Variants in RSU1 observed in about 807,000 individuals in gnomAD.
RSU1 encodes rsu-1.
In RSU1, 26 loss-of-function variants were observed where a neutral mutation model predicts 31.1. The observed-to-expected ratio is 0.84, with a 90% CI of 0.61 to 1.16. RSU1 has a LOEUF of 1.16. Ranked by LOEUF, RSU1 falls within the 50% of genes most tolerant of loss-of-function variation. RSU1 has a pLI of 0.00. For missense variants in RSU1, 320 were observed against 339.1 expected (o/e 0.94, Z 0.44); for synonymous variants, 164 against 136.3 (o/e 1.20, Z -1.41).
At chr10:16,753,077 C>T in intron 5 of RSU1, 77 bp from the exon 6 acceptor site, 1 of 1,108,638 alleles carries the variant, frequency 9.0e-7, no homozygotes, top group Non-Finnish European at 1.4e-6. Flanking sequence ...ACGAGGGAGT[C>T]AGCTTTGATT....
At chr10:16,783,505 G>A (rs1423279352) in intron 2 of RSU1, among the ~76,000 whole-genome samples, 2 of 151,894 alleles carry the variant, frequency 1.3e-5, no homozygotes, top group African/African-American at 4.8e-5. Flanking sequence ...ACAGGTGCGT[G>A]CCACCACGCC....
intron 8 of RSU1, among the ~76,000 whole-genome samples, chr10:16,627,146 C>T (rs973985705): frequency 4.6e-5 from 7 of 152,182 alleles, no homozygotes; most frequent in Non-Finnish European, 8.8e-5. Context: ...AACATCACTT[C>T]GCTATCAGTC....
At chr10:16,714,754 T>C (rs1836101625) in intron 7 of RSU1, among the ~76,000 whole-genome samples, 2 of 151,746 alleles carry the variant, frequency 1.3e-5, no homozygotes, top group African/African-American at 4.8e-5. Flanking sequence ...ATGAAAAGAG[T>C]CAATTGCTAC....
At chr10:16,758,593 C>G (rs1382775168) in intron 4 of RSU1, among the ~76,000 whole-genome samples, 1 of 152,134 alleles carries the variant, frequency 6.6e-6, no homozygotes, top group Non-Finnish European at 1.5e-5. Flanking sequence ...GTTTCCTCAA[C>G]TATAAAATGA....
intron 2 of RSU1, among the ~76,000 whole-genome samples, chr10:16,794,282 T>C (rs1173120722): frequency 2.6e-5 from 4 of 152,226 alleles, no homozygotes; most frequent in Non-Finnish European, 5.9e-5. Flanking sequence ...CTATGGATTC[T>C]GTTTCTCTGG....
rs542658135 is a variant in RSU1, at chr10:16,756,921, G to A, written c.282-1932C>T. ...GGGTGGGGTGTGGTGTGTGAAGGACGTGGGGGGCTGTGTGGGGGCGGGTAT... is the reference window on the plus strand; with the variant it reads ...GGGTGGGGTGTGGTGTGTGAAGGACATGGGGGGCTGTGTGGGGGCGGGTAT... On this transcript the variant is annotated intron_variant, in intron 4 of 8. Transcript: ENST00000345264. Among the ~76,000 whole-genome samples the A allele has an allele frequency of 2.1e-3, 312 of 148,334 alleles. 1 individual carries two copies. The highest frequency in any genetic ancestry group is 6.9e-3 in the African/African-American group (278 of 40,152).
intron 8 of RSU1, among the ~76,000 whole-genome samples, chr10:16,692,029 A>C (rs1164344735): frequency 6.6e-6 from 1 of 152,170 alleles, no homozygotes; most frequent in Non-Finnish European, 1.5e-5. Context: ...AAGTGCTGGG[A>C]TCATAGGCGT....
At chr10:16,690,437 A>G (rs1347072241) in intron 8 of RSU1, among the ~76,000 whole-genome samples, 1 of 152,172 alleles carries the variant, frequency 6.6e-6, no homozygotes, top group East Asian at 1.9e-4. Flanking sequence ...GACATGATGA[A>G]GGGGCCGTGA....
intron 2 of RSU1, among the ~76,000 whole-genome samples, chr10:16,784,205 C>T (rs1837719936): frequency 6.6e-6 from 1 of 151,996 alleles, no homozygotes; most frequent in African/African-American, 2.4e-5. Context: ...CCTCAGACTC[C>T]CAAGCAACTG....
chr10:16,701,579 T>C (rs964918737), intron 7 of RSU1, among the ~76,000 whole-genome samples: 40 of 152,018 alleles, frequency 2.6e-4, no homozygotes, highest in African/African-American at 9.4e-4. Flanking sequence ...AATAAACGGC[T>C]ACTCTTCGGA....
intron 8 of RSU1, among the ~76,000 whole-genome samples, chr10:16,620,461 G>A (rs905413013): frequency 1.6e-4 from 24 of 151,926 alleles, no homozygotes; most frequent in Admixed American, 6.6e-4. Context: ...CCTCTACAGT[G>A]GGGGAACCAG....
At chr10:16,727,846 C>G (rs769592820) in intron 7 of RSU1, among the ~76,000 whole-genome samples, 10 of 152,190 alleles carry the variant, frequency 6.6e-5, no homozygotes, top group Non-Finnish European at 1.5e-4. Context: ...GGTACCAAGG[C>G]AACCATACCG....
chr10:16,697,131 G>A (rs745401043), intron 7 of RSU1, among the ~76,000 whole-genome samples: 2 of 152,134 alleles, frequency 1.3e-5, no homozygotes, highest in Admixed American at 6.5e-5. Flanking sequence ...GTGCACAGGA[G>A]GCAGGACTAG....
intron 2 of RSU1, among the ~76,000 whole-genome samples, chr10:16,806,021 A>C (rs1414443383): frequency 2.0e-5 from 3 of 152,218 alleles, no homozygotes. Context: ...CAACCTACTG[A>C]TAATGTTTCT....
At chr10:16,681,183 G>C (rs1835322620) in intron 8 of RSU1, among the ~76,000 whole-genome samples, 1 of 152,138 alleles carries the variant, frequency 6.6e-6, no homozygotes, top group Non-Finnish European at 1.5e-5. Context: ...ACGCACAACT[G>C]ACAAAAAGCA....
intron 2 of RSU1, among the ~76,000 whole-genome samples, chr10:16,815,154 G>A (rs1367417537): frequency 6.6e-6 from 1 of 152,258 alleles, no homozygotes; most frequent in Non-Finnish European, 1.5e-5. Context: ...GGCAAACTCA[G>A]ATATCCAATT....
chr10:16,594,789 ATT>A (rs939278496), intron 8 of RSU1, among the ~76,000 whole-genome samples: 22 of 136,938 alleles, frequency 1.6e-4, no homozygotes, highest in African/African-American at 5.2e-4. Flanking sequence ...ATATATATAT[ATT>A]TTTTTTTTTT....
At chr10:16,601,158 C>A (rs1008115805) in intron 8 of RSU1, among the ~76,000 whole-genome samples, 1 of 152,196 alleles carries the variant, frequency 6.6e-6, no homozygotes, top group Non-Finnish European at 1.5e-5. Flanking sequence ...CACTGGGACA[C>A]TTTGGCTATG....
intron 8 of RSU1, among the ~76,000 whole-genome samples, chr10:16,662,130 A>G (rs1834901318): frequency 6.6e-6 from 1 of 152,242 alleles, no homozygotes; most frequent in Admixed American, 6.5e-5. Context: ...GACTGCAATT[A>G]TAGCTTTTCT....
Sources: gnomAD v4.1 joint callset for allele counts (sites outside exome capture counted in the v4.1 genomes callset) on GRCh38, gnomAD v4.1.1 for gene constraint, MANE v1.5 for transcripts, NCBI Gene and HGNC (gene_info 2026-07-23, HGNC 2026-07-21) for gene names.